The following PTGER2 variants were observed in gnomAD, a reference collection of about 807,000 sequenced individuals.
PTGER2 encodes the protein prostaglandin E2 receptor EP2 subtype.
In PTGER2, 22 loss-of-function variants were observed where a neutral mutation model predicts 26.2. That is an observed-to-expected ratio of 0.84 (90% confidence interval 0.60 to 1.20). PTGER2 has a LOEUF of 1.20. Ranked by LOEUF, PTGER2 falls within the 50% of genes most tolerant of loss-of-function variation. The pLI is 0.00. For missense variants in PTGER2, 458 were observed against 475.2 expected (o/e 0.96, Z 0.34); for synonymous variants, 219 against 208.9 (o/e 1.05, Z -0.42).
Position 52,327,532 on chromosome 14 carries a change from A to T in PTGER2, c.*78A>T, listed in dbSNP as rs1330832053. Reference sequence around the variant, plus strand: ...AATTGTTCCTTGGAGAAATGAAAACAGTGTGTAAACAAAATGAAGCTGCCC... The same window carrying T: ...AATTGTTCCTTGGAGAAATGAAAACTGTGTGTAAACAAAATGAAGCTGCCC... On this transcript the variant is annotated 3_prime_UTR_variant, in exon 2 of 2. Transcript: ENST00000245457. The T allele has an allele frequency of 2.5e-6, 3 of 1,205,344 alleles. No individual in the cohort carries two copies. The African/African-American group carries it at 4.6e-5, about 18-fold the overall frequency. 74.7% of individuals were successfully genotyped at this position (1,205,344 alleles called of 1,614,324 possible).
chr14:52,325,255 T>G (rs2033938210), intron 1 of PTGER2, among the ~76,000 whole-genome samples: 1 of 71,864 alleles, frequency 1.4e-5, no homozygotes, highest in Non-Finnish European at 4.0e-5. Flanking sequence ...ACAGAATTGC[T>G]TCATCCTCTA....
chr14:52,325,510 C>T lies in PTGER2; in HGVS notation c.844-1711C>T, dbSNP rs568106186. Among the ~76,000 whole-genome samples the T allele has an allele frequency of 9.8e-5, 15 of 152,296 alleles. No individual in the cohort carries two copies. The East Asian group carries it at 1.5e-3, about 16-fold the overall frequency. ...TGCTCAGTTATGCATCATGTGCACA[C>T]GTGTGTGTGCATATGTAATCACTAA... On this transcript the variant is annotated intron_variant, in intron 1 of 1. Transcript: ENST00000245457.
chr14:52,325,728 T>A (rs1417154280), intron 1 of PTGER2, among the ~76,000 whole-genome samples: 1 of 152,222 alleles, frequency 6.6e-6, no homozygotes, highest in African/African-American at 2.4e-5. Flanking sequence ...TTCTTCTTTT[T>A]CCTTACTCAT....
chr14:52,314,636 G>A lies in PTGER2; in HGVS notation c.88G>A (p.Val30Ile). The change falls in exon 1 of 2, where the codon GTC becomes ATC. Residue 30 changes from valine (V) to isoleucine (I), a missense_variant. Val to Ile is a conservative substitution (Grantham distance 29). Coordinates refer to ENST00000245457, the MANE Select transcript of PTGER2 (RefSeq NM_000956.4). The surrounding 1 kb of genome is among the most constrained non-coding windows in gnomAD (Gnocchi z 5.7). ...PPGESPAISS[V>I]MFSAGVLGNL... is the part of the protein sequence containing the mutation. Reference sequence around the variant, plus strand: ...AGGCGAAAGCCCAGCCATCAGCTCCGTCATGTTCTCGGCCGGGGTGCTGGG... The same window carrying A: ...AGGCGAAAGCCCAGCCATCAGCTCCATCATGTTCTCGGCCGGGGTGCTGGG... 1.3e-6 allele frequency: 2 copies of A among 1,515,766 alleles called. No homozygotes were observed. The highest frequency in any genetic ancestry group is 2.2e-5 in the Admixed American group (1 of 44,810). The allele number at this position is 1,515,766 out of a possible 1,614,324, so 93.9% of individuals were successfully genotyped here.
chr14:52,318,323 A>T (rs922363972), intron 1 of PTGER2, among the ~76,000 whole-genome samples: 2 of 152,252 alleles, frequency 1.3e-5, no homozygotes, highest in African/African-American at 4.8e-5. Flanking sequence ...TGAACCACAA[A>T]TGCAAGCCAC....
At chr14:52,318,144 G>A (rs1413424154) in intron 1 of PTGER2, among the ~76,000 whole-genome samples, 2 of 152,100 alleles carry the variant, frequency 1.3e-5, no homozygotes, top group African/African-American at 4.8e-5. Flanking sequence ...ATTCTACTTG[G>A]CCCACACTAA....
intron 1 of PTGER2, 103 bp from the exon 2 acceptor site, chr14:52,327,118 A>C: frequency 1.2e-6 from 1 of 847,996 alleles, no homozygotes; most frequent in Non-Finnish European, 1.8e-6. Context: ...ACCACAGACA[A>C]AACATGGTTT....
At chr14:52,321,302 G>A (rs2033893164) in intron 1 of PTGER2, among the ~76,000 whole-genome samples, 1 of 151,990 alleles carries the variant, frequency 6.6e-6, no homozygotes, top group African/African-American at 2.4e-5. Context: ...TCTATAGTCA[G>A]GACACCTTAG....
At chr14:52,325,238 A>G (rs1307518855) in intron 1 of PTGER2, among the ~76,000 whole-genome samples, 2 of 143,540 alleles carry the variant, frequency 1.4e-5, no homozygotes, top group African/African-American at 5.1e-5. Context: ...AAAGGAAAGG[A>G]AACAGTACAG....
In PTGER2 at chr14:52,327,541, A is replaced by G. The variant is rs148744234; in HGVS notation, c.*87A>G. 4.8e-4 allele frequency: 533 copies of G among 1,112,824 alleles called. 3 individuals are homozygous for G. In the African/African-American group the frequency reaches 7.5e-3, roughly 16 times the overall value. 68.9% of individuals were successfully genotyped at this position (1,112,824 alleles called of 1,614,324 possible). On this transcript the variant is annotated 3_prime_UTR_variant, in exon 2 of 2. Transcript: ENST00000245457. ...TTGGAGAAATGAAAACAGTGTGTAA[A>G]CAAAATGAAGCTGCCCTAATAAAAA...
chr14:52,322,020 T>G (rs1204385393), intron 1 of PTGER2, among the ~76,000 whole-genome samples: 1 of 152,210 alleles, frequency 6.6e-6, no homozygotes, highest in Admixed American at 6.5e-5. Flanking sequence ...GGCTGCATAT[T>G]AAAATTACTT....
intron 1 of PTGER2, among the ~76,000 whole-genome samples, chr14:52,318,821 G>C (rs1356873320): frequency 6.6e-6 from 1 of 152,144 alleles, no homozygotes; most frequent in Non-Finnish European, 1.5e-5. Flanking sequence ...TTTTTTTAAA[G>C]GCCCAGTCCC....
chr14:52,314,943 T>A lies in PTGER2; in HGVS notation c.395T>A (p.Leu132Gln). Reference sequence around the variant, plus strand: ...ATGCTCATGCTCTTCGCCATGGCCCTGGAGCGCTACCTCTCGATCGGGCAC... The same window carrying A: ...ATGCTCATGCTCTTCGCCATGGCCCAGGAGCGCTACCTCTCGATCGGGCAC... The part of the protein sequence containing the change: ...ATMLMLFAMA[L>Q]ERYLSIGHPY... The change falls in exon 1 of 2, where the codon CTG becomes CAG. Residue 132 changes from leucine to glutamine, a missense_variant. Transcript: ENST00000245457. This position sits in a 1 kb window ranked among gnomAD's most constrained non-coding sequence, Gnocchi z 5.7. 6.2e-7 allele frequency: 1 copy of A among 1,613,038 alleles called. No individual in the cohort carries two copies. Among genetic ancestry groups the A allele is most frequent in the East Asian group, 2.2e-5 (1 of 44,870 alleles).
chr14:52,320,594 A>G (rs763567088), intron 1 of PTGER2, among the ~76,000 whole-genome samples: 13 of 152,148 alleles, frequency 8.5e-5, no homozygotes, highest in Middle Eastern at 3.2e-3. Context: ...GAGGCTTAAG[A>G]CCCAGTTCAT....
chr14:52,323,603 T>C (rs1219401864), intron 1 of PTGER2, among the ~76,000 whole-genome samples: 1 of 152,210 alleles, frequency 6.6e-6, no homozygotes, highest in Non-Finnish European at 1.5e-5. Context: ...AATAAAGCCC[T>C]CATTTGCTCT....
At position 52,315,406 on chromosome 14, in the gene PTGER2, A is replaced by G. The variant is rs750911244; in HGVS notation, c.843+15A>G. Reference sequence around the variant, plus strand: ...TGCCTTTCACGGTAAGTCACTCCCTACGTTTCCACAGCCCGGCTCTGCTCA... The same window carrying G: ...TGCCTTTCACGGTAAGTCACTCCCTGCGTTTCCACAGCCCGGCTCTGCTCA... On this transcript the variant is annotated intron_variant, in intron 1 of 1. Transcript: ENST00000245457. 1.1e-5 allele frequency: 17 copies of G among 1,609,364 alleles called. No individual in the cohort carries two copies. Among genetic ancestry groups the G allele is most frequent in the South Asian group, 2.2e-5 (2 of 90,942 alleles).
Position 52,314,965 on chromosome 14 carries a change from G to A in PTGER2, c.417G>A (p.Gly139=). 3 of 1,613,188 alleles carry A rather than the reference G, an allele frequency of 1.9e-6. No individual in the cohort carries two copies. The highest frequency in any genetic ancestry group is 2.5e-6 in the Non-Finnish European group (3 of 1,179,982). Residue 139 remains glycine (G), a synonymous_variant, in exon 1 of 2, where the codon GGG becomes GGA. Transcript: ENST00000245457. The surrounding 1 kb of genome is among the most constrained non-coding windows in gnomAD (Gnocchi z 5.7). ...CCCTGGAGCGCTACCTCTCGATCGGGCACCCCTACTTCTACCAGCGCCGCG... is the reference window on the plus strand; with the variant it reads ...CCCTGGAGCGCTACCTCTCGATCGGACACCCCTACTTCTACCAGCGCCGCG... ...AMALERYLSI[G]HPYFYQRRVS...
In PTGER2 at chr14:52,315,095, C is replaced by T. The variant is rs1391612056; in HGVS notation, c.547C>T (p.Pro183Ser). 6.2e-7 allele frequency: 1 copy of T among 1,611,020 alleles called. No individual in the cohort carries two copies. Among genetic ancestry groups the T allele is most frequent in the Non-Finnish European group, 8.5e-7 (1 of 1,179,902 alleles). The change falls in exon 1 of 2, where the codon CCC becomes TCC. Residue 183 changes from proline to serine, a missense_variant. Coordinates refer to ENST00000245457, the MANE Select transcript of PTGER2 (RefSeq NM_000956.4). ...LDYGQYVQYC[P>S]GTWCFIRHGR... ...CTATGGGCAGTACGTCCAGTACTGC[C>T]CCGGGACCTGGTGCTTCATCCGGCA...
chr14:52,315,231 G>A lies in PTGER2; in HGVS notation c.683G>A (p.Arg228Gln). ...VILNLIRMHR[R>Q]SRRSRCGPSL... Reference sequence around the variant, plus strand: ...CTCAACCTCATCCGCATGCACCGCCGAAGCCGGAGAAGCCGCTGCGGACCT... The same window carrying A: ...CTCAACCTCATCCGCATGCACCGCCAAAGCCGGAGAAGCCGCTGCGGACCT... Residue 228 changes from arginine (R) to glutamine (Q), a missense_variant, in exon 1 of 2, where the codon CGA becomes CAA. Physicochemically the swap from Arg to Gln is conservative, Grantham distance 43. Transcript: ENST00000245457. The A allele has an allele frequency of 5.6e-6, 9 of 1,611,798 alleles. No individual in the cohort carries two copies. The highest frequency in any genetic ancestry group is 7.6e-6 in the Non-Finnish European group (9 of 1,179,856).
Sources: allele counts gnomAD v4.1 joint callset (sites outside exome capture counted in the v4.1 genomes callset), GRCh38; gene constraint gnomAD v4.1.1; non-coding constraint Gnocchi (gnomAD v3.1); transcripts MANE v1.5; gene names NCBI Gene and HGNC (gene_info 2026-07-23, HGNC 2026-07-21).